Variants in PTPRO observed in about 807,000 individuals in gnomAD.
The protein encoded by PTPRO is protein tyrosine phosphatase receptor type O, also known as receptor-type tyrosine-protein phosphatase O.
In PTPRO, 62 loss-of-function variants were observed where a neutral mutation model predicts 145.2. The observed-to-expected ratio is 0.43, with a 90% confidence interval of 0.35 to 0.53. PTPRO has a LOEUF of 0.53. Among genes scored for constraint, PTPRO ranks in the 20% least tolerant of loss-of-function variants. PTPRO has a pLI of 0.01. For missense variants in PTPRO, 1,345 were observed against 1,482.7 expected, an observed-to-expected ratio of 0.91 and a Z score of 1.53; for synonymous variants, 565 against 514.7, an observed-to-expected ratio of 1.10 and a Z score of -1.32.
chr12:15,558,125 G>A (rs1943685273), intron 16 of PTPRO, among the ~76,000 whole-genome samples: 1 of 151,874 alleles, frequency 6.6e-6, no homozygotes, highest in African/African-American at 2.4e-5. Flanking sequence ...GTAGAGATGA[G>A]GTCTCACTAT....
chr12:15,491,077 G>A (rs917468837), intron 2 of PTPRO, among the ~76,000 whole-genome samples: 15 of 152,254 alleles, frequency 9.9e-5, no homozygotes, highest in Admixed American at 7.8e-4. Context: ...TACCTCGCTG[G>A]CCTGCTTTGA....
intron 20 of PTPRO, 114 bp from the exon 21 acceptor site, chr12:15,579,925 A>T (rs1156279017): frequency 2.5e-6 from 2 of 795,632 alleles, no homozygotes; most frequent in Non-Finnish European, 4.2e-6. Flanking sequence ...GCTAAAAATT[A>T]TTATCTGCCT....
chr12:15,330,560 C>T (rs1866579467), intron 1 of PTPRO, among the ~76,000 whole-genome samples: 1 of 152,080 alleles, frequency 6.6e-6, no homozygotes, highest in South Asian at 2.1e-4. Flanking sequence ...TGAGTTTGGC[C>T]AATAGAAGGC....
chr12:15,458,814 T>C (rs926553846), intron 1 of PTPRO, among the ~76,000 whole-genome samples: 1 of 152,166 alleles, frequency 6.6e-6, no homozygotes, highest in South Asian at 2.1e-4. Context: ...AGAGACATAA[T>C]ATATCTCCAT....
chr12:15,513,237 AGAGG>A (rs1235143980), intron 7 of PTPRO, among the ~76,000 whole-genome samples: 3 of 129,146 alleles, frequency 2.3e-5, no homozygotes, highest in Non-Finnish European at 5.0e-5. Context: ...AAAGAAAGAA[AGAGG>A]GAGGGAGGGA....
At chr12:15,586,182 A>G (rs1944426233) in intron 23 of PTPRO, among the ~76,000 whole-genome samples, 1 of 152,212 alleles carries the variant, frequency 6.6e-6, no homozygotes, top group Admixed American at 6.5e-5. Context: ...CAAGACAAGG[A>G]TTCTCATATA....
intron 1 of PTPRO, among the ~76,000 whole-genome samples, chr12:15,334,601 T>A (rs967688091): frequency 3.3e-5 from 5 of 152,182 alleles, no homozygotes; most frequent in African/African-American, 1.2e-4. Context: ...CTATTAACTG[T>A]ACTGAAAAAG....
In PTPRO at chr12:15,536,406, G is replaced by A. The variant is rs76097945; in HGVS notation, c.2164+10144G>A. ...TGGGATGAGATTCTGTAGGCAGAAG[G>A]AACCACAGGTGCCCAGCTATGGAAG... is the stretch of plus-strand genomic sequence containing the variant. On this transcript the variant is annotated intron_variant, in intron 12 of 26. Transcript: ENST00000281171. Among the ~76,000 whole-genome samples, 231 of 152,300 alleles carry A rather than the reference G, an allele frequency of 1.5e-3. 2 individuals carry two copies. In the East Asian group the frequency reaches 0.036, roughly 24 times the overall value.
chr12:15,353,663 ACT>A (rs1048083364), intron 1 of PTPRO, among the ~76,000 whole-genome samples: 6 of 151,848 alleles, frequency 4.0e-5, no homozygotes, highest in African/African-American at 1.2e-4. Flanking sequence ...GCTTTGGTTA[ACT>A]CTCAAAACAC....
chr12:15,351,320 ATTC>A (rs1937795810), intron 1 of PTPRO, among the ~76,000 whole-genome samples: 3 of 152,162 alleles, frequency 2.0e-5, no homozygotes, highest in Admixed American at 1.3e-4. Flanking sequence ...ATGTACTTTT[ATTC>A]TTCTTATAGG....
At chr12:15,409,929 G>A (rs780089536) in intron 1 of PTPRO, among the ~76,000 whole-genome samples, 9 of 152,176 alleles carry the variant, frequency 5.9e-5, no homozygotes, top group Non-Finnish European at 1.3e-4. Context: ...TATATGATTT[G>A]GATGGGAACA....
In PTPRO at chr12:15,596,584, T is replaced by C. The variant is rs1450907270; in HGVS notation, c.*511T>C. ...ATGGCCACACATGAAGAAATGGTCA[T>C]TCTACTTCAAAGAAATTGAGCCAGC... On this transcript the variant is annotated 3_prime_UTR_variant, in exon 27 of 27. Transcript: ENST00000281171. 1 of 152,612 alleles carries C rather than the reference T, an allele frequency of 6.6e-6. No homozygotes were observed. The allele number at this position is 152,612 out of a possible 1,614,324, so 9.5% of individuals were successfully genotyped here.
chr12:15,419,596 A>G (rs1591795255), intron 1 of PTPRO, among the ~76,000 whole-genome samples: 1 of 151,736 alleles, frequency 6.6e-6, no homozygotes, highest in East Asian at 1.9e-4. Context: ...CTTTTCTTCT[A>G]ATTAATAAAC....
intron 1 of PTPRO, among the ~76,000 whole-genome samples, chr12:15,422,091 G>T (rs1051199244): frequency 6.6e-6 from 1 of 152,046 alleles, no homozygotes; most frequent in Non-Finnish European, 1.5e-5. Context: ...ATTGCTAAAT[G>T]AAACTTTGCA....
At chr12:15,515,706 T>A (rs1241343857) in intron 8 of PTPRO, 88 bp downstream of exon 8, 4 of 1,555,718 alleles carry the variant, frequency 2.6e-6, no homozygotes, top group Non-Finnish European at 3.5e-6. Context: ...ATCATTATCA[T>A]CGTATTTGGA....
intron 17 of PTPRO, among the ~76,000 whole-genome samples, chr12:15,562,464 G>A (rs575779541): frequency 6.6e-6 from 1 of 152,204 alleles, no homozygotes; most frequent in South Asian, 2.1e-4. Context: ...TAAACTGTCG[G>A]TTTCTTGGAA....
intron 12 of PTPRO, among the ~76,000 whole-genome samples, chr12:15,537,264 G>A (rs1343750818): frequency 6.6e-6 from 1 of 152,100 alleles, no homozygotes; most frequent in Non-Finnish European, 1.5e-5. Flanking sequence ...TTTGAGTGTA[G>A]GCAGGCGACA....
intron 14 of PTPRO, 88 bp downstream of exon 14, chr12:15,549,314 C>T (rs1052785874): frequency 2.8e-5 from 31 of 1,118,878 alleles, no homozygotes; most frequent in Non-Finnish European, 3.4e-5. Context: ...ACCAAGAAAT[C>T]CCAAGCTTCG....
chr12:15,499,991 A>C (rs1413198069), intron 4 of PTPRO, among the ~76,000 whole-genome samples: 4 of 152,140 alleles, frequency 2.6e-5, no homozygotes, highest in African/African-American at 9.7e-5. Context: ...TGTATCTAAA[A>C]CTTGCGGTGC....
Sources: gnomAD v4.1 joint callset for allele counts (sites outside exome capture counted in the v4.1 genomes callset) on GRCh38, gnomAD v4.1.1 for gene constraint, MANE v1.5 for transcripts, NCBI Gene and HGNC (gene_info 2026-07-23, HGNC 2026-07-21) for gene names.